TYW1: variants seen among roughly 807,000 people sequenced by gnomAD.
TYW1 encodes the protein tRNA-yW synthesizing protein 1 homolog.
A neutral mutation model predicts 96.2 loss-of-function variants in TYW1; 46 were observed. The ratio of observed to expected loss-of-function variants is 0.48; its 90% CI spans 0.38 to 0.61. The LOEUF is 0.61. TYW1 is among the 20% of genes least tolerant of loss of function. The pLI, the probability that TYW1 is intolerant of heterozygous loss-of-function variation, is 0.00. For missense variants in TYW1, 684 were observed against 909.6 expected, an observed-to-expected ratio of 0.75 and a Z score of 3.19; for synonymous variants, 274 against 323.0, an observed-to-expected ratio of 0.85 and a Z score of 1.63.
In TYW1 at chr7:67,239,446, C is replaced by T. The variant is rs1801993454; in HGVS notation, c.*917C>T. 1 of 962,864 alleles carries T rather than the reference C, an allele frequency of 1.0e-6. No homozygotes were observed. Among genetic ancestry groups the T allele is most frequent in the Non-Finnish European group, 1.2e-6 (1 of 809,640 alleles). The allele number at this position is 962,864 out of a possible 1,614,324, so 59.6% of individuals were successfully genotyped here. On this transcript the variant is annotated 3_prime_UTR_variant, in exon 16 of 16. Transcript: ENST00000359626. ...GATCATAAATACTCAAAATTGTTTT[C>T]AAGTTAGCAAGTTCTTTTAACAGTC...
intron 15 of TYW1, among the ~76,000 whole-genome samples, chr7:67,222,827 A>G (rs1488501285): frequency 1.5e-5 from 2 of 136,580 alleles, no homozygotes; most frequent in African/African-American, 5.4e-5. Context: ...AGTTCACTTG[A>G]TGGTGTTCAT....
At chr7:67,123,469 T>A (rs1183338752) in intron 13 of TYW1, among the ~76,000 whole-genome samples, 2 of 152,224 alleles carry the variant, frequency 1.3e-5, no homozygotes, top group East Asian at 3.8e-4. Context: ...ACCTTTTACC[T>A]AATATCGTTT....
chr7:67,056,313 G>C (rs1795515159), intron 9 of TYW1, among the ~76,000 whole-genome samples: 1 of 152,124 alleles, frequency 6.6e-6, no homozygotes, highest in African/African-American at 2.4e-5. Context: ...CCAAAATGGT[G>C]AAACCCCGTT....
At chr7:67,095,060 G>T (rs556237698) in intron 11 of TYW1, among the ~76,000 whole-genome samples, 1 of 151,666 alleles carries the variant, frequency 6.6e-6, no homozygotes, top group East Asian at 2.0e-4. Flanking sequence ...GTGCAGTGGC[G>T]CAGTCTCAGC....
intron 7 of TYW1, among the ~76,000 whole-genome samples, chr7:67,032,227 G>A (rs996729726): frequency 6.6e-6 from 1 of 151,232 alleles, no homozygotes; most frequent in Non-Finnish European, 1.5e-5. Flanking sequence ...TATTTTTTTT[G>A]GAGACAGGGT....
chr7:67,064,005 T>C (rs1039930002), intron 9 of TYW1, among the ~76,000 whole-genome samples: 7 of 152,164 alleles, frequency 4.6e-5, no homozygotes, highest in Non-Finnish European at 7.3e-5. Context: ...TAACAAAACA[T>C]ACACAGGACT....
intron 7 of TYW1, among the ~76,000 whole-genome samples, chr7:67,046,331 C>G (rs1463509191): frequency 1.3e-5 from 2 of 152,128 alleles, no homozygotes; most frequent in Non-Finnish European, 2.9e-5. Flanking sequence ...ATTGGGCACA[C>G]TGGGTTCATC....
intron 8 of TYW1, among the ~76,000 whole-genome samples, chr7:67,050,574 C>A (rs1404262948): frequency 1.3e-5 from 2 of 152,100 alleles, no homozygotes; most frequent in African/African-American, 4.8e-5. Flanking sequence ...TTTTATGTGA[C>A]CGTTCTGGCA....
rs1436863848 is a variant in TYW1 at position 67,173,950 on chromosome 7, G to C, written c.1699-9176G>C. On this transcript the variant is annotated intron_variant, in intron 13 of 15. Transcript: ENST00000359626. ...TAACTGATTTTCAAATGTTGAATCA[G>C]CCTTACCTACAGATGGGTTGCAGGC... is the stretch of plus-strand genomic sequence containing the variant. Among the ~76,000 whole-genome samples, 3 of 139,884 alleles carry C rather than the reference G, an allele frequency of 2.1e-5. No individual in the cohort carries two copies. In the Admixed American group the frequency reaches 2.2e-4, roughly 10 times the overall value. 91.8% of individuals were successfully genotyped at this position (139,884 alleles called of 152,430 possible).
chr7:67,231,893 G>T (rs1801761655), intron 15 of TYW1, among the ~76,000 whole-genome samples: 1 of 150,848 alleles, frequency 6.6e-6, no homozygotes. Flanking sequence ...AAAAAGAAAA[G>T]TTTTAAATTG....
rs1041699603 is a variant in TYW1, at chr7:67,009,439, A to G, written c.274-144A>G. 5 of 679,992 alleles carry G rather than the reference A, an allele frequency of 7.4e-6. No individual in the cohort carries two copies. The African/African-American group carries it at 9.1e-5, about 12-fold the overall frequency. The allele number at this position is 679,992 out of a possible 1,614,324, so 42.1% of individuals were successfully genotyped here. On this transcript the variant is annotated intron_variant, in intron 3 of 15. Transcript: ENST00000359626. ...GCCCAAGAAAATGGTAAGAGTGAGG[A>G]TAGAATTTGTGTTCATGAAGATACA...
chr7:67,206,977 G>A (rs1012646255), intron 15 of TYW1, among the ~76,000 whole-genome samples: 4 of 152,064 alleles, frequency 2.6e-5, no homozygotes, highest in Admixed American at 6.6e-5. Flanking sequence ...GCTTTTAAAC[G>A]GTACTGCCAT....
intron 13 of TYW1, among the ~76,000 whole-genome samples, chr7:67,121,970 C>T (rs964917332): frequency 1.4e-5 from 2 of 139,426 alleles, no homozygotes; most frequent in African/African-American, 5.9e-5. Context: ...AATTTCTGTC[C>T]GCGATAGCTA....
intron 6 of TYW1, among the ~76,000 whole-genome samples, chr7:67,020,766 A>C (rs1201345168): frequency 1.3e-5 from 2 of 152,410 alleles, no homozygotes; most frequent in African/African-American, 2.4e-5. Context: ...GCGGTGGCTC[A>C]TGCCTATAAT....
chr7:67,222,074 GT>G (rs1300393024), intron 15 of TYW1, among the ~76,000 whole-genome samples: 1 of 152,028 alleles, frequency 6.6e-6, no homozygotes, highest in Non-Finnish European at 1.5e-5. Context: ...GTGGGCGCCT[GT>G]AATCCCAGAT....
At chr7:67,029,437 A>ATATATATATATATATATACATATAT (rs746024597) in intron 7 of TYW1, among the ~76,000 whole-genome samples, 1 of 146,560 alleles carries the variant, frequency 6.8e-6, no homozygotes, top group African/African-American at 2.5e-5. Context: ...ATATATAAAT[A>ATATATATATATATATATACATATAT]GTATTTTCTA....
At chr7:67,011,230 G>A (rs11772995) in intron 4 of TYW1, among the ~76,000 whole-genome samples, 38,743 of 152,030 alleles carry the variant, frequency 0.25, 5,050 homozygotes, top group Middle Eastern at 0.37. Context: ...TAGAGATGGG[G>A]TTTCACTGTG....
intron 3 of TYW1, among the ~76,000 whole-genome samples, chr7:67,003,688 A>G (rs1431065012): frequency 6.6e-6 from 1 of 152,204 alleles, no homozygotes; most frequent in Non-Finnish European, 1.5e-5. Context: ...TTTTTTGTGT[A>G]AGGTTGCACT....
intron 7 of TYW1, among the ~76,000 whole-genome samples, chr7:67,039,903 C>T (rs1794961529): frequency 6.6e-6 from 1 of 151,358 alleles, no homozygotes; most frequent in Admixed American, 6.6e-5. Context: ...CCTTGTGATC[C>T]ACCTGCCTTG....
Sources: allele counts gnomAD v4.1 joint callset (sites outside exome capture counted in the v4.1 genomes callset), GRCh38; gene constraint gnomAD v4.1.1; transcripts MANE v1.5; gene names NCBI Gene and HGNC (gene_info 2026-07-23, HGNC 2026-07-21).